ADGRG6: variants seen among roughly 807,000 people sequenced by gnomAD.
ADGRG6 encodes the protein G-protein coupled receptor 126.
Under a neutral mutation model 142.4 loss-of-function variants are expected in ADGRG6, and 84 were observed. The ratio of observed to expected loss-of-function variants is 0.59; its 90% CI spans 0.49 to 0.71. The LOEUF is 0.71. Ranked by LOEUF, ADGRG6 falls within the 30% of genes least tolerant of loss-of-function variation. The probability of loss-of-function intolerance (pLI) is 0.00; values close to 1 mark genes in which losing one functional copy is unlikely to be tolerated. For synonymous variants in ADGRG6, 521 were observed against 520.5 expected (o/e 1.00, Z -0.01); for missense variants, 1,367 against 1,466.6 (o/e 0.93, Z 1.11).
chr6:142,430,895 G>A (rs748353411), intron 22 of ADGRG6, among the ~76,000 whole-genome samples: 20 of 152,076 alleles, frequency 1.3e-4, no homozygotes, highest in Admixed American at 7.2e-4. Context: ...GCCTTGGCCC[G>A]TAGGAGTCTT....
intron 7 of ADGRG6, among the ~76,000 whole-genome samples, chr6:142,392,018 T>G (rs1774921648): frequency 2.0e-5 from 3 of 151,944 alleles, no homozygotes; most frequent in Admixed American, 2.0e-4. Flanking sequence ...TAGACATTTT[T>G]GTTTAAAATG....
At chr6:142,393,235 A>G (rs1283798666) in intron 8 of ADGRG6, among the ~76,000 whole-genome samples, 5 of 151,986 alleles carry the variant, frequency 3.3e-5, no homozygotes, top group African/African-American at 1.2e-4. Context: ...GTTTTAAATC[A>G]TGTTATAATG....
chr6:142,409,202 A>G (rs758593105), intron 16 of ADGRG6, among the ~76,000 whole-genome samples: 5 of 151,998 alleles, frequency 3.3e-5, no homozygotes, highest in Non-Finnish European at 2.9e-5. Context: ...GGCAACCACC[A>G]TCCTACTTTC....
intron 2 of ADGRG6, among the ~76,000 whole-genome samples, chr6:142,320,097 C>A (rs1389419698): frequency 2.0e-5 from 3 of 151,838 alleles, no homozygotes; most frequent in East Asian, 3.9e-4. Flanking sequence ...TTTGTTTTCC[C>A]CATATTTAAA....
In ADGRG6 at chr6:142,370,363, C is replaced by A. The variant is rs200482035; in HGVS notation, c.639C>A (p.Leu213=). ...CAAATGCATCCTTCACACAATTGCT[C>A]AGTTTTGGAAAGGCCAAGAGTGGCT... is the stretch of plus-strand genomic sequence containing the variant. ...SYSNASFTQL[L]SFGKAKSGYF... The change falls in exon 4 of 25, where the codon CTC becomes CTA. Residue 213 remains leucine (L), a synonymous_variant. Coordinates refer to ENST00000367609, the MANE Select transcript of ADGRG6 (RefSeq NM_198569.3). 1.2e-6 allele frequency: 2 copies of A among 1,613,370 alleles called. No individual in the cohort carries two copies. Among genetic ancestry groups the A allele is most frequent in the African/African-American group, 2.7e-5 (2 of 74,936 alleles).
At chr6:142,339,667 T>C (rs192804762) in intron 2 of ADGRG6, among the ~76,000 whole-genome samples, 4 of 152,300 alleles carry the variant, frequency 2.6e-5, no homozygotes, top group Admixed American at 6.5e-5. Flanking sequence ...AGGCCTTATT[T>C]AAGACTAGCC....
intron 14 of ADGRG6, 149 bp downstream of exon 14, chr6:142,404,122 A>G (rs546386162): frequency 7.6e-6 from 5 of 658,226 alleles, no homozygotes; most frequent in Non-Finnish European, 1.3e-5. Flanking sequence ...AGCAGTAGCC[A>G]TAAAGTATTG....
Position 142,444,672 on chromosome 6 carries a change from A to G in ADGRG6, c.*1157A>G, listed in dbSNP as rs1023982377. The G allele has an allele frequency of 6.6e-6, 1 of 152,176 alleles. No homozygotes were observed. Among genetic ancestry groups the G allele is most frequent in the African/African-American group, 2.4e-5 (1 of 41,450 alleles). The allele number at this position is 152,176 out of a possible 1,614,324, so 9.4% of individuals were successfully genotyped here. ...GGAGGTCTGGCAAGATAGATGGTGTATTATTTATGGATCAGGCTGCTGCAT... is the reference window on the plus strand; with the variant it reads ...GGAGGTCTGGCAAGATAGATGGTGTGTTATTTATGGATCAGGCTGCTGCAT... On this transcript the variant is annotated 3_prime_UTR_variant, in exon 25 of 25. Coordinates refer to ENST00000367609, the MANE Select transcript of ADGRG6 (RefSeq NM_198569.3).
chr6:142,434,165 A>C (rs1004312602), intron 22 of ADGRG6, among the ~76,000 whole-genome samples: 2 of 150,772 alleles, frequency 1.3e-5, no homozygotes, highest in African/African-American at 4.9e-5. Flanking sequence ...ATTAGTAATA[A>C]ATTATATAAT....
chr6:142,310,504 A>G (rs1353584951), intron 2 of ADGRG6, among the ~76,000 whole-genome samples: 1 of 151,680 alleles, frequency 6.6e-6, no homozygotes, highest in Non-Finnish European at 1.5e-5. Context: ...GAATTTAATC[A>G]AGATTTATTA....
chr6:142,379,550 G>A (rs1399238162), intron 4 of ADGRG6, among the ~76,000 whole-genome samples: 1 of 152,106 alleles, frequency 6.6e-6, no homozygotes, highest in Non-Finnish European at 1.5e-5. Context: ...GGCGGATCAC[G>A]AGGTCAGGAG....
chr6:142,355,459 C>G (rs1196164010), intron 2 of ADGRG6, among the ~76,000 whole-genome samples: 1 of 152,142 alleles, frequency 6.6e-6, no homozygotes, highest in Non-Finnish European at 1.5e-5. Flanking sequence ...ATTTCTCTTT[C>G]TCTCAAATAC....
At chr6:142,402,947 A>G in intron 13 of ADGRG6, 117 bp downstream of exon 13, 1 of 565,236 alleles carries the variant, frequency 1.8e-6, no homozygotes. Context: ...TGCAAGATGT[A>G]TTGATAGTCG....
At chr6:142,403,316 T>G (rs1462929753) in intron 13 of ADGRG6, among the ~76,000 whole-genome samples, 1 of 152,114 alleles carries the variant, frequency 6.6e-6, no homozygotes, top group Non-Finnish European at 1.5e-5. Flanking sequence ...TATTAAAATA[T>G]TTAATGTTTT....
intron 4 of ADGRG6, among the ~76,000 whole-genome samples, chr6:142,376,261 G>C (rs1781493494): frequency 1.3e-5 from 2 of 152,144 alleles, no homozygotes; most frequent in Admixed American, 1.3e-4. Flanking sequence ...AACAGACAGT[G>C]CCTTCTCTAC....
At chr6:142,440,970 T>G (rs780760212) in intron 24 of ADGRG6, 2 of 1,412,552 alleles carry the variant, frequency 1.4e-6, no homozygotes, top group Admixed American at 5.2e-5. Context: ...TTTCGTTACT[T>G]TTTTGAATGC....
At chr6:142,397,850 G>T in intron 10 of ADGRG6, 95 bp downstream of exon 10, 2 of 714,580 alleles carry the variant, frequency 2.8e-6, no homozygotes, top group East Asian at 3.4e-5. Context: ...TGCGCTATTT[G>T]TTTATGTAAG....
chr6:142,423,814 C>G (rs1234909061), intron 22 of ADGRG6, among the ~76,000 whole-genome samples: 1 of 143,672 alleles, frequency 7.0e-6, no homozygotes, highest in African/African-American at 2.6e-5. Context: ...ATGGAATGTT[C>G]TTCCATTTGT....
intron 22 of ADGRG6, among the ~76,000 whole-genome samples, chr6:142,433,597 C>T (rs1465969000): frequency 6.6e-6 from 1 of 152,204 alleles, no homozygotes; most frequent in Non-Finnish European, 1.5e-5. Context: ...TCTTTCCTTA[C>T]TCTGAGATTT....
Sources: allele counts gnomAD v4.1 joint callset (sites outside exome capture counted in the v4.1 genomes callset), GRCh38; gene constraint gnomAD v4.1.1; transcripts MANE v1.5; gene names NCBI Gene and HGNC (gene_info 2026-07-23, HGNC 2026-07-21).